The following ABCG5 variants were observed in gnomAD, a reference collection of about 807,000 sequenced individuals.
The protein encoded by ABCG5 is ATP binding cassette subfamily G member 5, also known as ATP-binding cassette sub-family G member 5.
ABCG5 carries 64 observed loss-of-function variants against 64.5 expected under a neutral mutation model. The observed-to-expected ratio is 0.99, with a 90% confidence interval of 0.81 to 1.22. ABCG5 has a LOEUF of 1.22. Among genes scored for constraint, ABCG5 ranks in the 50% most tolerant of loss-of-function variants. ABCG5 has a pLI of 0.00. For missense variants in ABCG5, 908 were observed against 829.5 expected (o/e 1.09, Z -1.16); for synonymous variants, 385 against 326.3 (o/e 1.18, Z -1.94).
downstream of ABCG5, chr2:43,810,059 A>T: frequency 1.4e-6 from 1 of 734,862 alleles, no homozygotes; most frequent in Non-Finnish European, 1.7e-6. Context: ...GTTTCTGCTT[A>T]TATGTTTTTA....
At chr2:43,836,081 C>A (rs1572802121) in intron 2 of ABCG5, among the ~76,000 whole-genome samples, 1 of 152,086 alleles carries the variant, frequency 6.6e-6, no homozygotes, top group African/African-American at 2.4e-5. Flanking sequence ...GGATTACAGG[C>A]ACCTGCCACC....
chr2:43,833,939 C>T (rs895875637), intron 2 of ABCG5, among the ~76,000 whole-genome samples: 4 of 152,232 alleles, frequency 2.6e-5, no homozygotes, highest in Admixed American at 2.0e-4. Flanking sequence ...CCGCCTCGGC[C>T]TCCCAAGGTG....
At position 43,838,193 on chromosome 2, in the gene ABCG5, C is replaced by T. The variant is rs138046983; in HGVS notation, c.144-238G>A. ...TCTGAATGTCCTGTCCGTTTGGCTG[C>T]GAGGTGGCTGTCCCTGCATTCTTTC... On this transcript the variant is annotated intron_variant, in intron 1 of 12. Transcript: ENST00000405322. This position sits in a 1 kb window ranked among gnomAD's most constrained non-coding sequence, Gnocchi z 4.2. 3.1e-5 allele frequency: 19 copies of T among 604,900 alleles called. No homozygotes were observed. Among genetic ancestry groups the T allele is most frequent in the Non-Finnish European group, 4.9e-5 (17 of 344,874 alleles). The allele number at this position is 604,900 out of a possible 1,614,324, so 37.5% of individuals were successfully genotyped here.
rs767584159 is a variant in ABCG5 at position 43,820,064 on chromosome 2, T to C, written c.1500A>G (p.Gly500=). The part of the protein sequence containing the change: ...LGLHPEVARF[G]YFSAALLAPH... The stretch of plus-strand genomic sequence containing the variant: ...GGGCCAAGAGAGCAGCAGAAAAATA[T>C]CCAAATCGGGCAACCTCAGGATGTA... Residue 500 remains glycine (G), a synonymous_variant, in exon 11 of 13, where the codon GGA becomes GGG. Coordinates refer to ENST00000405322, the MANE Select transcript of ABCG5 (RefSeq NM_022436.3). 4.1e-5 allele frequency: 66 copies of C among 1,614,030 alleles called. No homozygotes were observed. In the Middle Eastern group the frequency reaches 4.9e-4, roughly 12 times the overall value.
At chr2:43,817,049 T>C (rs1344064913) in intron 11 of ABCG5, among the ~76,000 whole-genome samples, 3 of 152,204 alleles carry the variant, frequency 2.0e-5, no homozygotes, top group Non-Finnish European at 4.4e-5. Flanking sequence ...GTAAATGGAA[T>C]GACTAGCAGG....
chr2:43,814,361 G>C, intron 12 of ABCG5, 116 bp downstream of exon 12: 2 of 721,428 alleles, frequency 2.8e-6, no homozygotes, highest in Non-Finnish European at 4.8e-6. Flanking sequence ...TTTCAAAACA[G>C]AGTTTTAAAT....
chr2:43,819,717 T>C (rs1174618912), intron 11 of ABCG5, among the ~76,000 whole-genome samples, 198 bp downstream of exon 11: 1 of 152,174 alleles, frequency 6.6e-6, no homozygotes, highest in Non-Finnish European at 1.5e-5. Context: ...TGATTCCCGA[T>C]AAAAAAGACA....
At chr2:43,818,993 A>G (rs1420782859) in intron 11 of ABCG5, among the ~76,000 whole-genome samples, 1 of 152,218 alleles carries the variant, frequency 6.6e-6, no homozygotes, top group Non-Finnish European at 1.5e-5. Flanking sequence ...CAGCCTTCAT[A>G]GTGGTGTGAC....
intron 5 of ABCG5, 116 bp from the exon 6 acceptor site, chr2:43,826,637 G>A (rs998113760): frequency 4.1e-5 from 61 of 1,490,200 alleles, no homozygotes; most frequent in East Asian, 6.8e-5. Flanking sequence ...AACAGTGTGC[G>A]GTGGGAAGTA....
At chr2:43,819,062 TTAAA>T (rs1187412227) in intron 11 of ABCG5, among the ~76,000 whole-genome samples, 2 of 152,168 alleles carry the variant, frequency 1.3e-5, no homozygotes, top group South Asian at 2.1e-4. Context: ...GCTCTGAGAG[TTAAA>T]TAATTAAACA....
In ABCG5 at chr2:43,828,094, G is replaced by C. The variant is rs374055102; in HGVS notation, c.523C>G (p.Leu175Val). Residue 175 changes from leucine (L) to valine (V), a missense_variant, in exon 5 of 13, where the codon CTG becomes GTG. By Grantham distance (32) the Leu-to-Val change is conservative. Transcript: ENST00000405322. ...QKKVEAVMAE[L>V]SLSHVADRLI... is the part of the protein sequence containing the mutation. ...CGGTCTGCCACATGGCTCAGACTCA[G>C]CTCTGCCATGACGGCCTCCACCTGC... The C allele has an allele frequency of 6.2e-7, 1 of 1,614,072 alleles. No homozygotes were observed. The highest frequency in any genetic ancestry group is 1.7e-5 in the Admixed American group (1 of 60,002).
Position 43,819,960 on chromosome 2 carries a change from G to A in ABCG5, c.1604C>T (p.Ala535Val), listed in dbSNP as rs2104784296. The A allele has an allele frequency of 1.9e-6, 3 of 1,614,128 alleles. No homozygotes were observed. Among genetic ancestry groups the A allele is most frequent in the Non-Finnish European group, 2.5e-6 (3 of 1,180,028 alleles). ...AAGCACCCCCGCAATGGACAGCAGA[G>A]CCACTACACTGTTGACTATATTTGG... ...QNPNIVNSVV[A>V]LLSIAGVLVG... The change falls in exon 11 of 13, where the codon GCT (alanine) becomes GTT (valine). Residue 535 changes from alanine to valine, a missense_variant. By Grantham distance (64) the Ala-to-Val change is moderately conservative. Coordinates refer to ENST00000405322, the MANE Select transcript of ABCG5 (RefSeq NM_022436.3).
At position 43,832,421 on chromosome 2, in the gene ABCG5, T is replaced by C. The variant is rs576197046; in HGVS notation, c.266-338A>G. ...TTGAAAAACAAAATACTTATAGGTA[T>C]CAGAATAAGAGGAAAGCCAAGACTC... is the stretch of plus-strand genomic sequence containing the variant. On this transcript the variant is annotated intron_variant, in intron 2 of 12. Transcript: ENST00000405322. The C allele has an allele frequency of 3.4e-3, 1,421 of 420,130 alleles. 8 individuals are homozygous for C. Among genetic ancestry groups the C allele is most frequent in the Non-Finnish European group, 3.3e-3 (756 of 227,398 alleles). 26.0% of individuals were successfully genotyped at this position (420,130 alleles called of 1,614,324 possible).
In ABCG5 at chr2:43,812,673, C is replaced by A. The variant is rs1233614603; in HGVS notation, c.*443G>T. ...ATTCTTACCCAATTCTGCATGATAA[C>A]CTTGCTTCATCTAAACCCACAACTC... On this transcript the variant is annotated 3_prime_UTR_variant, in exon 13 of 13. Coordinates refer to ENST00000405322, the MANE Select transcript of ABCG5 (RefSeq NM_022436.3). The A allele has an allele frequency of 1.5e-5, 3 of 197,194 alleles. No homozygotes were observed. Among genetic ancestry groups the A allele is most frequent in the South Asian group, 9.6e-5 (1 of 10,460 alleles). The allele number at this position is 197,194 out of a possible 1,614,324, so 12.2% of individuals were successfully genotyped here. A position where few individuals can be genotyped will look rare whatever the true frequency, so the allele number is the denominator to read the frequency against.
intron 2 of ABCG5, among the ~76,000 whole-genome samples, chr2:43,837,179 G>A (rs916640584): frequency 4.7e-5 from 7 of 150,088 alleles, no homozygotes; most frequent in Non-Finnish European, 1.0e-4. Context: ...GAGTGCAGTG[G>A]CACTATCTCA....
downstream of ABCG5, among the ~76,000 whole-genome samples, chr2:43,811,056 C>G (rs1666463697): frequency 6.6e-6 from 1 of 152,146 alleles, no homozygotes; most frequent in Admixed American, 6.5e-5. Flanking sequence ...TGTTTCTGAG[C>G]TAGAATGAAA....
At chr2:43,820,122 A>G in intron 10 of ABCG5, 22 bp from the exon 11 acceptor site, 1 of 1,609,922 alleles carries the variant, frequency 6.2e-7, no homozygotes, top group Non-Finnish European at 8.5e-7. Flanking sequence ...TAAGCTCTTT[A>G]GTTTCCTCTC....
At chr2:43,816,373 G>T (rs1666824933) in intron 11 of ABCG5, among the ~76,000 whole-genome samples, 1 of 152,166 alleles carries the variant, frequency 6.6e-6, no homozygotes, top group Non-Finnish European at 1.5e-5. Flanking sequence ...AACAAAAGGG[G>T]CCTTCAAAGA....
At chr2:43,816,846 C>A (rs1002999095) in intron 11 of ABCG5, among the ~76,000 whole-genome samples, 2 of 152,210 alleles carry the variant, frequency 1.3e-5, no homozygotes, top group Admixed American at 1.3e-4. Context: ...GGCTCTGATA[C>A]TTCAGGTAAC....
Sources: gnomAD v4.1 joint callset for allele counts (sites outside exome capture counted in the v4.1 genomes callset) on GRCh38, gnomAD v4.1.1 for gene constraint, Gnocchi (gnomAD v3.1) non-coding constraint, MANE v1.5 for transcripts, NCBI Gene and HGNC (gene_info 2026-07-23, HGNC 2026-07-21) for gene names.